CADM2: variants seen among roughly 807,000 people sequenced by gnomAD.
CADM2 encodes cell adhesion molecule 2.
A neutral mutation model predicts 49.8 loss-of-function variants in CADM2; 12 were observed. The observed-to-expected ratio is 0.24, with a 90% CI of 0.15 to 0.39. The LOEUF (loss-of-function observed/expected upper bound fraction) is 0.39, where lower values mean the gene tolerates loss of function less well. CADM2 is among the 10% of genes least tolerant of loss of function. The pLI, the probability that CADM2 is intolerant of heterozygous loss-of-function variation, is 1.00. For synonymous variants in CADM2, 214 were observed against 175.4 expected (o/e 1.22, Z -1.74); for missense variants, 378 against 492.3 (o/e 0.77, Z 2.20).
chr3:85,532,144 T>C (rs60765028), intron 1 of CADM2, among the ~76,000 whole-genome samples: 2,395 of 152,186 alleles, frequency 0.016, 74 homozygotes, highest in African/African-American at 0.054. Flanking sequence ...GCCATTGCAC[T>C]CTAGCCTGGG....
In CADM2 at chr3:85,430,612, C is replaced by T. The variant is rs1443699904; in HGVS notation, c.62-295910C>T. On this transcript the variant is annotated intron_variant, in intron 1 of 9. Coordinates refer to ENST00000383699, the MANE Select transcript of CADM2 (RefSeq NM_001167675.2). ...GAATTGCGAATAAGGAGAAAGGGGGCGGTGGGGGGGAGTAAAAGGGAGAGA... is the reference window on the plus strand; with the variant it reads ...GAATTGCGAATAAGGAGAAAGGGGGTGGTGGGGGGGAGTAAAAGGGAGAGA... Among the ~76,000 whole-genome samples the T allele has an allele frequency of 1.3e-4, 6 of 47,732 alleles. No individual in the cohort carries two copies. The East Asian group carries it at 1.6e-3, about 13-fold the overall frequency. The allele number at this position is 47,732 out of a possible 152,430, so 31.3% of individuals were successfully genotyped here.
intron 1 of CADM2, among the ~76,000 whole-genome samples, chr3:85,647,803 A>C (rs2064931889): frequency 6.6e-6 from 1 of 151,796 alleles, no homozygotes; most frequent in South Asian, 2.1e-4. Context: ...GTAGATATCC[A>C]TTCACTAATT....
intron 1 of CADM2, among the ~76,000 whole-genome samples, chr3:85,311,420 G>T: frequency 6.6e-6 from 1 of 150,666 alleles, no homozygotes; most frequent in East Asian, 1.9e-4. Flanking sequence ...CTGTCACCCA[G>T]GCTGGAGTGC....
intron 8 of CADM2, among the ~76,000 whole-genome samples, chr3:86,039,682 GC>G (rs1400183542): frequency 1.3e-5 from 2 of 152,210 alleles, no homozygotes; most frequent in African/African-American, 4.8e-5. Flanking sequence ...ACAAAAGGCA[GC>G]AGAATCCTCT....
chr3:85,475,493 C>T (rs1257727036), intron 1 of CADM2, among the ~76,000 whole-genome samples: 2 of 151,842 alleles, frequency 1.3e-5, no homozygotes, highest in East Asian at 1.9e-4. Flanking sequence ...TGGAAAGACT[C>T]ATCTTTTTTC....
At chr3:85,176,424 A>T (rs1319050055) in intron 1 of CADM2, among the ~76,000 whole-genome samples, 1 of 152,206 alleles carries the variant, frequency 6.6e-6, no homozygotes. Context: ...TTGAAATGAT[A>T]ACTTTGAAAC....
At chr3:85,472,817 T>C (rs912998255) in intron 1 of CADM2, among the ~76,000 whole-genome samples, 3 of 151,960 alleles carry the variant, frequency 2.0e-5, no homozygotes, top group African/African-American at 7.2e-5. Context: ...GAAAATGAAA[T>C]CTTAAAGACA....
chr3:85,188,064 G>T (rs1476954907), intron 1 of CADM2, among the ~76,000 whole-genome samples: 1 of 151,830 alleles, frequency 6.6e-6, no homozygotes, highest in Non-Finnish European at 1.5e-5. Context: ...AATATTTTCA[G>T]TGTAATGCTA....
At chr3:85,420,045 A>C (rs2036098450) in intron 1 of CADM2, among the ~76,000 whole-genome samples, 1 of 152,190 alleles carries the variant, frequency 6.6e-6, no homozygotes, top group Non-Finnish European at 1.5e-5. Context: ...AAATTTTGCC[A>C]AAGCTTCAAG....
chr3:85,834,740 A>G (rs181302332), intron 3 of CADM2, among the ~76,000 whole-genome samples: 2,321 of 109,646 alleles, frequency 0.021, 25 homozygotes, highest in Non-Finnish European at 0.031. Flanking sequence ...CTTCTTGGGG[A>G]AAAAAAAAAA....
chr3:85,486,308 CAATAGA>C (rs147084463), intron 1 of CADM2, among the ~76,000 whole-genome samples: 46,292 of 151,352 alleles, frequency 0.31, 7,976 homozygotes, highest in East Asian at 0.54. Context: ...TTAGGGGGAA[CAATAGA>C]AATAGAAACA....
rs1415239710 is a variant in CADM2, at chr3:86,056,661, C to T, written c.971-8944C>T. On this transcript the variant is annotated intron_variant, in intron 8 of 9. Coordinates refer to ENST00000383699, the MANE Select transcript of CADM2 (RefSeq NM_001167675.2). ...GGAGTGGCAACAGTTTCCTTCTGCA[C>T]TCCTGATAATCACATTGCACTTACT... Among the ~76,000 whole-genome samples, 4 of 151,476 alleles carry T rather than the reference C, an allele frequency of 2.6e-5. No homozygotes were observed. The South Asian group carries it at 8.3e-4, about 31-fold the overall frequency.
At chr3:85,806,764 AAAAC>A (rs145961476) in intron 3 of CADM2, among the ~76,000 whole-genome samples, 130 of 152,086 alleles carry the variant, frequency 8.5e-4, no homozygotes, top group African/African-American at 3.0e-3. Context: ...ACAAACAAAC[AAAAC>A]AAACAAAAAG....
intron 1 of CADM2, among the ~76,000 whole-genome samples, chr3:85,633,406 G>T (rs1050923231): frequency 1.3e-5 from 2 of 151,794 alleles, no homozygotes; most frequent in African/African-American, 2.4e-5. Flanking sequence ...GTTTTGAGAA[G>T]AAAAAAAGAT....
intron 3 of CADM2, 76 bp from the exon 4 acceptor site, chr3:85,883,215 G>T (rs1713069386): frequency 8.3e-7 from 1 of 1,204,682 alleles, no homozygotes; most frequent in East Asian, 2.6e-5. Context: ...ATTGTATTGT[G>T]TTGAAAATAT....
chr3:85,481,813 G>T (rs550059744), intron 1 of CADM2, among the ~76,000 whole-genome samples: 95 of 143,568 alleles, frequency 6.6e-4, no homozygotes, highest in African/African-American at 2.2e-3. Context: ...TTCATTCTTG[G>T]TTTTTTTTTT....
At chr3:85,282,080 T>A (rs1325640509) in intron 1 of CADM2, among the ~76,000 whole-genome samples, 2 of 152,130 alleles carry the variant, frequency 1.3e-5, no homozygotes, top group East Asian at 1.9e-4. Flanking sequence ...ATGTGTGAAA[T>A]ATTATACATA....
At chr3:85,882,568 C>A (rs1265647212) in intron 3 of CADM2, among the ~76,000 whole-genome samples, 2 of 152,120 alleles carry the variant, frequency 1.3e-5, no homozygotes, top group African/African-American at 4.8e-5. Flanking sequence ...CCCGATTCTA[C>A]AGCTCTACTT....
chr3:85,651,700 G>C (rs1422161262), intron 1 of CADM2, among the ~76,000 whole-genome samples: 1 of 151,966 alleles, frequency 6.6e-6, no homozygotes, highest in Non-Finnish European at 1.5e-5. Context: ...ACTAATGTAG[G>C]ATATGTTTCC....
Sources: gnomAD v4.1 joint callset for allele counts (sites outside exome capture counted in the v4.1 genomes callset) on GRCh38, gnomAD v4.1.1 for gene constraint, MANE v1.5 for transcripts, NCBI Gene and HGNC (gene_info 2026-07-23, HGNC 2026-07-21) for gene names.